EBF1: variants seen among roughly 807,000 people sequenced by gnomAD.
EBF1 encodes transcription factor COE1.
EBF1 carries 10 observed loss-of-function variants against 68.4 expected under a neutral mutation model. The ratio of observed to expected loss-of-function variants is 0.15; its 90% CI spans 0.09 to 0.25. EBF1 has a LOEUF of 0.25. Among genes scored for constraint, EBF1 ranks in the 10% least tolerant of loss-of-function variants. The pLI is 1.00. For missense variants in EBF1, 509 were observed against 794.4 expected, an observed-to-expected ratio of 0.64 and a Z score of 4.32; for synonymous variants, 298 against 299.8, an observed-to-expected ratio of 0.99 and a Z score of 0.06.
intron 6 of EBF1, among the ~76,000 whole-genome samples, chr5:158,887,237 A>G (rs971740025): frequency 5.3e-5 from 8 of 152,208 alleles, no homozygotes; most frequent in Non-Finnish European, 8.8e-5. Flanking sequence ...TTCGAAAAAT[A>G]TGGCCAATAA....
intron 6 of EBF1, among the ~76,000 whole-genome samples, chr5:158,901,322 CCTTA>C (rs1434197161): frequency 3.3e-5 from 5 of 152,124 alleles, no homozygotes; most frequent in African/African-American, 1.2e-4. Context: ...TGAAAAATTG[CCTTA>C]ATTATTTATT....
At chr5:159,089,828 GAAGAA>G (rs548558621) in intron 4 of EBF1, among the ~76,000 whole-genome samples, 5 of 144,846 alleles carry the variant, frequency 3.5e-5, no homozygotes, top group Non-Finnish European at 7.7e-5. Flanking sequence ...AAGAAAGAAA[GAAGAA>G]AAGAAAAGAA....
chr5:158,935,685 C>T lies in EBF1; in HGVS notation c.555-95575G>A, dbSNP rs77362087. Among the ~76,000 whole-genome samples the T allele has an allele frequency of 1.6e-3, 244 of 152,318 alleles. 2 individuals carry two copies. Among genetic ancestry groups the T allele is most frequent in the African/African-American group, 5.6e-3 (231 of 41,560 alleles). ...TGTTTAAGATGATCACAATTCCCATCACTATAATGAGCCATTTCTTGGCTG... is the reference window on the plus strand; with the variant it reads ...TGTTTAAGATGATCACAATTCCCATTACTATAATGAGCCATTTCTTGGCTG... On this transcript the variant is annotated intron_variant, in intron 6 of 15. Transcript: ENST00000313708.
intron 10 of EBF1, among the ~76,000 whole-genome samples, chr5:158,734,993 G>A (rs1232647976): frequency 2.6e-5 from 4 of 151,898 alleles, no homozygotes; most frequent in Non-Finnish European, 5.9e-5. Context: ...AATAAAATGG[G>A]GCCAATGTAT....
At position 158,823,220 on chromosome 5, in the gene EBF1, C is replaced by T. The variant is rs544168754; in HGVS notation, c.734G>A (p.Arg245Gln). The T allele has an allele frequency of 1.1e-5, 17 of 1,613,858 alleles. No individual in the cohort carries two copies. The highest frequency in any genetic ancestry group is 1.7e-5 in the Admixed American group (1 of 59,964). ...HNNSKHGRRA[R>Q]RLDPSEGTPS... is the part of the protein sequence containing the mutation. Reference sequence around the variant, plus strand: ...CGTACCTTCCGAGGGGTCAAGCCTCCGAGCCCTCCGCCCATGCTTGGAATT... The same window carrying T: ...CGTACCTTCCGAGGGGTCAAGCCTCTGAGCCCTCCGCCCATGCTTGGAATT... The change falls in exon 8 of 16, where the codon CGG (arginine) becomes CAG (glutamine). Residue 245 changes from arginine to glutamine, a missense_variant. Arg to Gln is a conservative substitution (Grantham distance 43). Around this residue, in one of 3 missense-constraint regions of EBF1, gnomAD observed 230 missense variants for 467.7 expected, o/e 0.49. Transcript: ENST00000313708.
chr5:159,030,921 C>T (rs1172479851), intron 6 of EBF1, among the ~76,000 whole-genome samples: 1 of 152,066 alleles, frequency 6.6e-6, no homozygotes, highest in Non-Finnish European at 1.5e-5. Flanking sequence ...GCCTATAATC[C>T]CAGCACTTTC....
At chr5:158,988,884 T>C (rs550126708) in intron 6 of EBF1, among the ~76,000 whole-genome samples, 2 of 152,290 alleles carry the variant, frequency 1.3e-5, no homozygotes, top group East Asian at 3.9e-4. Flanking sequence ...TTTTAAACCT[T>C]CAAAGGGGCC....
At chr5:158,759,422 A>T (rs1048293828) in intron 10 of EBF1, among the ~76,000 whole-genome samples, 6 of 152,210 alleles carry the variant, frequency 3.9e-5, no homozygotes, top group African/African-American at 1.4e-4. Flanking sequence ...TTGAAATTTC[A>T]GGAAGCTTGA....
intron 10 of EBF1, among the ~76,000 whole-genome samples, chr5:158,767,894 T>G (rs1307924377): frequency 6.6e-6 from 1 of 152,136 alleles, no homozygotes; most frequent in Non-Finnish European, 1.5e-5. Context: ...TGGATTTGAT[T>G]ACATTTCAGA....
intron 6 of EBF1, among the ~76,000 whole-genome samples, chr5:158,995,364 C>T (rs1244168330): frequency 1.3e-5 from 2 of 152,124 alleles, no homozygotes; most frequent in African/African-American, 4.8e-5. Flanking sequence ...GCAGGGGAAA[C>T]TTTTAGGCAC....
intron 10 of EBF1, among the ~76,000 whole-genome samples, chr5:158,755,535 G>A (rs372276780): frequency 6.6e-6 from 1 of 152,160 alleles, no homozygotes; most frequent in African/African-American, 2.4e-5. Flanking sequence ...TTCAAGAGAC[G>A]AATAGACTTC....
rs566767857 is a variant in EBF1, at chr5:158,708,046, T to G, written c.1677A>C (p.Ala559=). ...VSAVKQKSAF[A]PVVRPQTSPP... is the part of the protein sequence containing the mutation. ...GGGAGGTCTGGGGTCTGACGACTGG[T>G]GCGAAAGCACTCTTCTGTTTCACGG... The change falls in exon 15 of 16, where the codon GCA becomes GCC. Residue 559 remains alanine, a synonymous_variant. Transcript: ENST00000313708. 1.8e-5 allele frequency: 28 copies of G among 1,555,890 alleles called. No individual in the cohort carries two copies. In the South Asian group the frequency reaches 2.6e-4, roughly 14 times the overall value.
intron 11 of EBF1, among the ~76,000 whole-genome samples, chr5:158,714,445 T>TCA (rs1178767520): frequency 2.0e-5 from 3 of 152,218 alleles, no homozygotes; most frequent in Non-Finnish European, 4.4e-5. Flanking sequence ...GATAAAGCAC[T>TCA]CATATGTTTA....
chr5:159,090,485 C>G (rs934116956), intron 4 of EBF1, among the ~76,000 whole-genome samples: 2 of 152,132 alleles, frequency 1.3e-5, no homozygotes, highest in Admixed American at 1.3e-4. Flanking sequence ...AATTTCAGCT[C>G]AGCAGCTAAG....
intron 6 of EBF1, among the ~76,000 whole-genome samples, chr5:158,873,498 C>A (rs1321745307): frequency 6.6e-6 from 1 of 152,208 alleles, no homozygotes. Context: ...TATACTGACT[C>A]ATTTCCTTTT....
At chr5:158,728,479 C>A (rs1763441535) in intron 11 of EBF1, among the ~76,000 whole-genome samples, 2 of 152,170 alleles carry the variant, frequency 1.3e-5, no homozygotes, top group Non-Finnish European at 2.9e-5. Flanking sequence ...AAAACTCAAC[C>A]CTAGATTCCC....
chr5:158,797,425 C>T (rs1779787651), intron 8 of EBF1, among the ~76,000 whole-genome samples: 1 of 152,042 alleles, frequency 6.6e-6, no homozygotes, highest in Admixed American at 6.6e-5. Context: ...TTTTTATGAA[C>T]AACAAGAAAG....
At chr5:158,723,859 C>A (rs1762428341) in intron 11 of EBF1, among the ~76,000 whole-genome samples, 1 of 152,114 alleles carries the variant, frequency 6.6e-6, no homozygotes, top group Non-Finnish European at 1.5e-5. Context: ...GGCCTTTTTA[C>A]TGAGGCTACA....
chr5:158,941,424 C>T (rs1813349367), intron 6 of EBF1, among the ~76,000 whole-genome samples: 2 of 152,174 alleles, frequency 1.3e-5, no homozygotes, highest in Admixed American at 1.3e-4. Context: ...GGAAGATATT[C>T]GTTCATCCTG....
Sources: gnomAD v4.1 joint callset for allele counts (sites outside exome capture counted in the v4.1 genomes callset) on GRCh38, gnomAD v4.1.1 for gene constraint, gnomAD v4.1.1 regional missense constraint, MANE v1.5 for transcripts, NCBI Gene and HGNC (gene_info 2026-07-23, HGNC 2026-07-21) for gene names.